The following MYO3B variants were observed in gnomAD, a reference collection of about 807,000 sequenced individuals.
The protein encoded by MYO3B is myosin-IIIb.
Under a neutral mutation model 174.6 loss-of-function variants are expected in MYO3B, and 156 were observed. The ratio of observed to expected loss-of-function variants is 0.89; its 90% CI spans 0.78 to 1.02. The LOEUF (loss-of-function observed/expected upper bound fraction) is 1.02, where lower values mean the gene tolerates loss of function less well. Ranked by LOEUF, MYO3B falls within the 50% of genes least tolerant of loss-of-function variation. MYO3B has a pLI of 0.00. For synonymous variants in MYO3B, 563 were observed against 569.1 expected, an observed-to-expected ratio of 0.99 and a Z score of 0.15; for missense variants, 1,632 against 1,639.4, an observed-to-expected ratio of 1.00 and a Z score of 0.08.
intron 32 of MYO3B, among the ~76,000 whole-genome samples, chr2:170,579,425 G>A (rs1301251031): frequency 6.6e-6 from 1 of 152,054 alleles, no homozygotes; most frequent in Non-Finnish European, 1.5e-5. Flanking sequence ...TTCAAGTCTT[G>A]TTAAATTGAA....
At chr2:170,493,735 C>G (rs372945918) in intron 25 of MYO3B, among the ~76,000 whole-genome samples, 4 of 152,332 alleles carry the variant, frequency 2.6e-5, no homozygotes, top group East Asian at 1.9e-4. Context: ...CTCTCCCTCT[C>G]TGCCCCCAAC....
At chr2:170,184,542 T>C (rs1436416028) in intron 1 of MYO3B, among the ~76,000 whole-genome samples, 2 of 152,198 alleles carry the variant, frequency 1.3e-5, no homozygotes, top group Non-Finnish European at 2.9e-5. Flanking sequence ...GGCTGAATAA[T>C]ATTCCATTGT....
At chr2:170,252,119 C>A (rs1473190816) in intron 7 of MYO3B, among the ~76,000 whole-genome samples, 1 of 152,220 alleles carries the variant, frequency 6.6e-6, no homozygotes, top group African/African-American at 2.4e-5. Flanking sequence ...TATGTTGCAT[C>A]TTTGCCTTGA....
intron 22 of MYO3B, among the ~76,000 whole-genome samples, chr2:170,433,791 A>G (rs1176557392): frequency 2.0e-5 from 3 of 152,318 alleles, no homozygotes; most frequent in Non-Finnish European, 2.9e-5. Context: ...AGTACGCTCT[A>G]TGCTGTTCAC....
chr2:170,601,472 A>G (rs1694504971), intron 32 of MYO3B, among the ~76,000 whole-genome samples: 1 of 152,078 alleles, frequency 6.6e-6, no homozygotes, highest in African/African-American at 2.4e-5. Flanking sequence ...TGTTAACTGT[A>G]CAAAAAAAGA....
intron 3 of MYO3B, among the ~76,000 whole-genome samples, chr2:170,209,765 A>T (rs909595189): frequency 2.6e-5 from 4 of 152,254 alleles, no homozygotes; most frequent in Non-Finnish European, 5.9e-5. Context: ...AACCTTAATT[A>T]TGATGATAGC....
At chr2:170,212,547 A>G (rs576495774) in intron 3 of MYO3B, among the ~76,000 whole-genome samples, 1 of 152,328 alleles carries the variant, frequency 6.6e-6, no homozygotes, top group Admixed American at 6.5e-5. Context: ...CCTTAGTTCC[A>G]CCAAAACGGG....
chr2:170,205,340 G>C (rs1465454408), intron 3 of MYO3B, among the ~76,000 whole-genome samples: 1 of 152,158 alleles, frequency 6.6e-6, no homozygotes, highest in Non-Finnish European at 1.5e-5. Context: ...AGACCAAAAT[G>C]AGGTGTCAGG....
intron 7 of MYO3B, among the ~76,000 whole-genome samples, chr2:170,292,668 C>A (rs896081007): frequency 2.6e-5 from 4 of 152,078 alleles, no homozygotes; most frequent in African/African-American, 9.7e-5. Flanking sequence ...CTGAGCCCTG[C>A]CTGTTTCAAA....
In MYO3B at chr2:170,649,325, TATA is replaced by T. The variant is rs1698789411; in HGVS notation, c.3734-2299_3734-2297del. On this transcript the variant is annotated intron_variant, in intron 32 of 34. Transcript: ENST00000408978. ...ATAATATATATTATATATAAAATAATATAATATATATTATATATAAAATAATAT... is the reference window on the plus strand; with the variant it reads ...ATAATATATATTATATATAAAATAATATATATATTATATATAAAATAATAT... 1.1e-4 allele frequency among the ~76,000 whole-genome samples: 10 copies of T among 91,806 alleles called. No homozygotes were observed. In the South Asian group the frequency reaches 2.7e-3, roughly 25 times the overall value. The allele number at this position is 91,806 out of a possible 152,430, so 60.2% of individuals were successfully genotyped here. A position where few individuals can be genotyped will look rare whatever the true frequency, so the allele number is the denominator to read the frequency against.
chr2:170,542,577 G>A (rs1481914822), intron 30 of MYO3B, among the ~76,000 whole-genome samples: 2 of 152,182 alleles, frequency 1.3e-5, no homozygotes, highest in African/African-American at 2.4e-5. Context: ...TGTAGCCTTA[G>A]CATCCATTTA....
chr2:170,451,009 A>C (rs556810342), intron 23 of MYO3B, among the ~76,000 whole-genome samples: 1 of 152,320 alleles, frequency 6.6e-6, no homozygotes, highest in South Asian at 2.1e-4. Flanking sequence ...TAAACCTTCA[A>C]TTTTGTCCCT....
intron 21 of MYO3B, 150 bp downstream of exon 21, chr2:170,405,783 A>T (rs756528723): frequency 8.4e-6 from 6 of 717,314 alleles, no homozygotes; most frequent in Non-Finnish European, 1.3e-5. Flanking sequence ...AAAGTTTCTC[A>T]GTGGTGCCAC....
At chr2:170,568,059 G>C (rs1692186530) in intron 32 of MYO3B, among the ~76,000 whole-genome samples, 1 of 152,170 alleles carries the variant, frequency 6.6e-6, no homozygotes, top group Admixed American at 6.5e-5. Context: ...GCAGTACTGG[G>C]CAACTGGAGG....
intron 25 of MYO3B, among the ~76,000 whole-genome samples, chr2:170,468,479 C>T (rs555597556): frequency 6.6e-6 from 1 of 152,240 alleles, no homozygotes; most frequent in African/African-American, 2.4e-5. Flanking sequence ...GAAAGACTTC[C>T]CCAGTTCCCA....
At chr2:170,208,392 G>A (rs566581903) in intron 3 of MYO3B, among the ~76,000 whole-genome samples, 48 of 152,300 alleles carry the variant, frequency 3.2e-4, no homozygotes, top group African/African-American at 1.1e-3. Flanking sequence ...AGATGTAGGT[G>A]CATGGGGCTT....
chr2:170,641,871 GGA>G (rs200515312), intron 32 of MYO3B, among the ~76,000 whole-genome samples: 30 of 66,490 alleles, frequency 4.5e-4, no homozygotes, highest in Admixed American at 7.2e-4. Flanking sequence ...GGGGGGGGGG[GGA>G]GGGGCGGGGA....
chr2:170,517,559 T>C (rs1688397624), intron 29 of MYO3B, among the ~76,000 whole-genome samples: 1 of 152,236 alleles, frequency 6.6e-6, no homozygotes, highest in Non-Finnish European at 1.5e-5. Context: ...AGACAAAAGC[T>C]TGCAATCTTA....
chr2:170,314,076 C>G (rs1189116705), intron 7 of MYO3B, among the ~76,000 whole-genome samples: 4 of 152,150 alleles, frequency 2.6e-5, no homozygotes, highest in African/African-American at 4.8e-5. Flanking sequence ...CCTGCCAATG[C>G]CATTTTCAGA....
Sources: gnomAD v4.1 joint callset for allele counts (sites outside exome capture counted in the v4.1 genomes callset) on GRCh38, gnomAD v4.1.1 for gene constraint, MANE v1.5 for transcripts, NCBI Gene and HGNC (gene_info 2026-07-23, HGNC 2026-07-21) for gene names.